VOPP1: variants seen among roughly 807,000 people sequenced by gnomAD.
VOPP1 encodes VOPP1 WW domain binding protein, also known as WW domain binding protein VOPP1.
VOPP1 carries 8 observed loss-of-function variants against 23.5 expected under a neutral mutation model. The ratio of observed to expected loss-of-function variants is 0.34; its 90% CI spans 0.20 to 0.61. The LOEUF (loss-of-function observed/expected upper bound fraction) is 0.61. Ranked by LOEUF, VOPP1 falls within the 20% of genes least tolerant of loss-of-function variation. The pLI is 0.78. For synonymous variants in VOPP1, 83 were observed against 97.3 expected (o/e 0.85, Z 0.86); for missense variants, 174 against 238.1 (o/e 0.73, Z 1.77).
chr7:55,511,217 C>T (rs191826404), intron 2 of VOPP1, among the ~76,000 whole-genome samples: 4 of 152,254 alleles, frequency 2.6e-5, no homozygotes, highest in Non-Finnish European at 4.4e-5. Flanking sequence ...ACAGTGCTGG[C>T]GGGGACAGTT....
At chr7:55,437,345 C>T (rs969658301) in intron 4 of VOPP1, among the ~76,000 whole-genome samples, 3 of 152,198 alleles carry the variant, frequency 2.0e-5, no homozygotes, top group African/African-American at 4.8e-5. Context: ...TCCTTGTGTG[C>T]CAGAAAGATG....
At chr7:55,441,313 C>G (rs1161212097) in intron 4 of VOPP1, among the ~76,000 whole-genome samples, 1 of 152,186 alleles carries the variant, frequency 6.6e-6, no homozygotes, top group Non-Finnish European at 1.5e-5. Flanking sequence ...GCCCCTCTCT[C>G]CGATTTACCT....
At chr7:55,564,378 C>T (rs994402162) in intron 1 of VOPP1, among the ~76,000 whole-genome samples, 1 of 152,018 alleles carries the variant, frequency 6.6e-6, no homozygotes, top group Admixed American at 6.6e-5. Context: ...ACACTCAGAT[C>T]ACAAAACACC....
chr7:55,452,005 G>T (rs1791257537), intron 4 of VOPP1, among the ~76,000 whole-genome samples: 1 of 152,158 alleles, frequency 6.6e-6, no homozygotes, highest in African/African-American at 2.4e-5. Flanking sequence ...TTTCAGGAAA[G>T]ATTTCTCTGT....
At chr7:55,564,833 G>C (rs559661028) in intron 1 of VOPP1, among the ~76,000 whole-genome samples, 1 of 152,254 alleles carries the variant, frequency 6.6e-6, no homozygotes, top group South Asian at 2.1e-4. Flanking sequence ...TCTCTTTACA[G>C]GTGTATGTCA....
intron 4 of VOPP1, among the ~76,000 whole-genome samples, chr7:55,445,238 CACACAG>C (rs772031615): frequency 0.02 from 2,795 of 138,976 alleles, 79 homozygotes; most frequent in African/African-American, 0.072. Flanking sequence ...CAGACACACA[CACACAG>C]ACACACACAC....
intron 1 of VOPP1, among the ~76,000 whole-genome samples, chr7:55,544,528 G>T (rs1470289982): frequency 6.6e-6 from 1 of 152,200 alleles, no homozygotes; most frequent in Non-Finnish European, 1.5e-5. Flanking sequence ...AAAGAAAACA[G>T]TCTTTCTGAT....
intron 2 of VOPP1, among the ~76,000 whole-genome samples, chr7:55,500,843 T>A (rs1794316757): frequency 6.6e-6 from 1 of 152,044 alleles, no homozygotes; most frequent in Admixed American, 6.5e-5. Context: ...AAGCGAAGAG[T>A]GGACTTGGCC....
chr7:55,512,790 T>C (rs1031330191), intron 2 of VOPP1, among the ~76,000 whole-genome samples: 4 of 152,222 alleles, frequency 2.6e-5, no homozygotes, highest in African/African-American at 9.6e-5. Context: ...AGCTGACTTC[T>C]GCACAGAGGG....
downstream of VOPP1, among the ~76,000 whole-genome samples, chr7:55,434,981 G>A (rs148908342): frequency 2.0e-5 from 3 of 152,194 alleles, no homozygotes; most frequent in Non-Finnish European, 4.4e-5. Context: ...CACATCTGTT[G>A]CTTCATTTGC....
chr7:55,479,162 T>TA (rs1554398137), intron 4 of VOPP1, among the ~76,000 whole-genome samples: 1 of 152,100 alleles, frequency 6.6e-6, no homozygotes, highest in Non-Finnish European at 1.5e-5. Flanking sequence ...TTTTTTTTTT[T>TA]TTATTATTAT....
intron 2 of VOPP1, among the ~76,000 whole-genome samples, chr7:55,501,924 T>C (rs138941175): frequency 0.011 from 1,673 of 152,338 alleles, 11 homozygotes; most frequent in Middle Eastern, 0.02. Flanking sequence ...CTCTTATATC[T>C]GTGCTCTAGC....
intron 1 of VOPP1, among the ~76,000 whole-genome samples, chr7:55,536,400 G>A (rs1473750473): frequency 1.3e-5 from 2 of 152,050 alleles, no homozygotes; most frequent in African/African-American, 4.8e-5. Context: ...GTGGTGGCGG[G>A]CGCCTGTAGT....
intron 4 of VOPP1, among the ~76,000 whole-genome samples, chr7:55,443,234 G>T (rs1354771491): frequency 6.6e-6 from 1 of 152,140 alleles, no homozygotes; most frequent in South Asian, 2.1e-4. Flanking sequence ...AACCTTATTT[G>T]GATCAGATAC....
chr7:55,495,081 A>G (rs1793859909), intron 3 of VOPP1, among the ~76,000 whole-genome samples: 1 of 151,932 alleles, frequency 6.6e-6, no homozygotes, highest in Non-Finnish European at 1.5e-5. Flanking sequence ...GCAGTTCTCA[A>G]TTCTGCAGTC....
chr7:55,480,639 TAA>T (rs1792635318), intron 4 of VOPP1, among the ~76,000 whole-genome samples: 1 of 152,384 alleles, frequency 6.6e-6, no homozygotes, highest in South Asian at 2.1e-4. Flanking sequence ...GTGACTTTAT[TAA>T]TTTCTGAGCC....
intron 1 of VOPP1, among the ~76,000 whole-genome samples, chr7:55,565,224 T>G (rs758825109): frequency 4.6e-5 from 7 of 152,226 alleles, no homozygotes; most frequent in Non-Finnish European, 8.8e-5. Flanking sequence ...TGTTCTACGG[T>G]ATCTGAATGC....
At chr7:55,565,760 G>A (rs1458336068) in intron 1 of VOPP1, among the ~76,000 whole-genome samples, 1 of 14,080 alleles carries the variant, frequency 7.1e-5, no homozygotes, top group East Asian at 8.3e-3. Flanking sequence ...GAGGTGGGAG[G>A]ACGCACTAGT....
At chr7:55,439,169 G>T (rs1034577716) in intron 4 of VOPP1, among the ~76,000 whole-genome samples, 2 of 152,106 alleles carry the variant, frequency 1.3e-5, no homozygotes, top group African/African-American at 4.8e-5. Context: ...GACCTATAAG[G>T]TTACCAGGGA....
Sources: allele counts gnomAD v4.1 joint callset (sites outside exome capture counted in the v4.1 genomes callset), GRCh38; gene constraint gnomAD v4.1.1; transcripts MANE v1.5; gene names NCBI Gene and HGNC (gene_info 2026-07-23, HGNC 2026-07-21).